The following NAV3 variants were observed in gnomAD, a reference collection of about 807,000 sequenced individuals.
The protein encoded by NAV3 is pore membrane and/or filament interacting like protein 1.
A neutral mutation model predicts 244.7 loss-of-function variants in NAV3; 87 were observed. The observed-to-expected ratio is 0.36, with a 90% CI of 0.30 to 0.42. The LOEUF is 0.42. Among genes scored for constraint, NAV3 ranks in the 20% least tolerant of loss-of-function variants. The probability of loss-of-function intolerance (pLI) is 1.00; values close to 1 mark genes in which losing one functional copy is unlikely to be tolerated. For synonymous variants in NAV3, 1,126 were observed against 1,042.2 expected (o/e 1.08, Z -1.55); for missense variants, 2,663 against 2,893.3 (o/e 0.92, Z 1.83).
intron 38 of NAV3, among the ~76,000 whole-genome samples, chr12:78,202,594 T>G: frequency 6.6e-6 from 1 of 152,112 alleles, no homozygotes; most frequent in Middle Eastern, 3.2e-3. Context: ...AAACTAAAAC[T>G]GAGAGATATT....
intron 1 of NAV3, among the ~76,000 whole-genome samples, chr12:77,876,833 T>G (rs1035563826): frequency 1.3e-5 from 2 of 152,084 alleles, no homozygotes; most frequent in African/African-American, 4.8e-5. Context: ...TTACTTTAAA[T>G]TTTTTTCTGC....
intron 9 of NAV3, among the ~76,000 whole-genome samples, chr12:78,038,055 A>G (rs550999939): frequency 1.4e-4 from 21 of 152,214 alleles, no homozygotes; most frequent in Non-Finnish European, 2.4e-4. Flanking sequence ...TTTAGAAACT[A>G]GGCCTTTTTG....
intron 28 of NAV3, among the ~76,000 whole-genome samples, chr12:78,179,016 C>T (rs1056010247): frequency 5.9e-5 from 9 of 152,014 alleles, no homozygotes; most frequent in African/African-American, 2.2e-4. Context: ...AAAGTAATAT[C>T]TCTAATTTAT....
Position 77,673,203 on chromosome 12 carries a change from T to C in NAV3, c.72+100937T>C, listed in dbSNP as rs560865819. On this transcript the variant is annotated intron_variant, in intron 2 of 8. Coordinates refer to the NAV3 transcript ENST00000550042. ...CATCTTTTTTTGCTGAGTGTTTCTC[T>C]CAAAACTCCATTAACAATGAATTTG... Among the ~76,000 whole-genome samples, 18 of 152,292 alleles carry C rather than the reference T, an allele frequency of 1.2e-4. No homozygotes were observed. In the East Asian group the frequency reaches 3.3e-3, roughly 28 times the overall value.
At chr12:77,640,105 T>A (rs1055339787) in intron 2 of NAV3, among the ~76,000 whole-genome samples, 1 of 152,198 alleles carries the variant, frequency 6.6e-6, no homozygotes, top group Non-Finnish European at 1.5e-5. Flanking sequence ...TCCTCTGTTA[T>A]ACACATGTAG....
chr12:77,947,311 T>A (rs1890443491), intron 3 of NAV3: 1 of 151,876 alleles, frequency 6.6e-6, no homozygotes, highest in African/African-American at 2.4e-5. Context: ...GTGAAACTAT[T>A]CTTAATAGTA....
chr12:77,738,603 C>A (rs564547795), intron 2 of NAV3, among the ~76,000 whole-genome samples: 1 of 152,316 alleles, frequency 6.6e-6, no homozygotes, highest in Non-Finnish European at 1.5e-5. Context: ...ATGATGATTA[C>A]ACAGGCATAT....
intron 1 of NAV3, among the ~76,000 whole-genome samples, chr12:77,903,963 T>C (rs1885638372): frequency 6.6e-6 from 1 of 152,082 alleles, no homozygotes; most frequent in Non-Finnish European, 1.5e-5. Context: ...TCACACCACC[T>C]AGAATGGCGA....
chr12:78,007,007 A>T lies in NAV3; in HGVS notation c.1469A>T (p.Gln490Leu), dbSNP rs2136581549. ...AAACCAGTCAAAGAAGAGAAGGATC[A>T]GGTGACAGAGATGGCTCCAAAAAAG... ...TEKPVKEEKDQVTEMAPKKTS... is the reference protein window; with the variant it reads ...TEKPVKEEKDLVTEMAPKKTS... The change falls in exon 8 of 40, where the codon CAG becomes CTG. Residue 490 changes from glutamine to leucine, a missense_variant. By Grantham distance (113) the Gln-to-Leu change is moderately radical. Around this residue, in one of 6 missense-constraint regions of NAV3, gnomAD observed 1,521 missense variants for 1,497.0 expected, o/e 1.02. Coordinates refer to ENST00000397909, the MANE Select transcript of NAV3 (RefSeq NM_001024383.2). 1.2e-6 allele frequency: 2 copies of T among 1,614,172 alleles called. No individual in the cohort carries two copies. The highest frequency in any genetic ancestry group is 1.7e-6 in the Non-Finnish European group (2 of 1,180,024).
intron 1 of NAV3, among the ~76,000 whole-genome samples, chr12:77,851,879 C>T (rs941153566): frequency 2.0e-5 from 3 of 152,104 alleles, no homozygotes; most frequent in Non-Finnish European, 2.9e-5. Context: ...TGCCAGATGC[C>T]GTTAGAGGTG....
chr12:78,078,375 CTTTTTTTTTTTTT>C lies in NAV3; in HGVS notation c.2636+19286_2636+19298del, dbSNP rs71088356. ...AGAGTTGCATTTCACTCTTTCCACTCTTTTTTTTTTTTTTTTTTTTTTTTTTTTTTTTTTTTTT... is the reference window on the plus strand; with the variant it reads ...AGAGTTGCATTTCACTCTTTCCACTCTTTTTTTTTTTTTTTTTTTTTTTTT... On this transcript the variant is annotated intron_variant, in intron 12 of 39. Transcript: ENST00000397909. 4.3e-3 allele frequency among the ~76,000 whole-genome samples: 294 copies of C among 67,792 alleles called. 1 individual carries two copies. Among genetic ancestry groups the C allele is most frequent in the Non-Finnish European group, 5.5e-3 (205 of 37,026 alleles). 44.5% of individuals were successfully genotyped at this position (67,792 alleles called of 152,430 possible). A position where few individuals can be genotyped will look rare whatever the true frequency, so the allele number is the denominator to read the frequency against.
intron 12 of NAV3, among the ~76,000 whole-genome samples, chr12:78,087,206 A>G (rs1296844444): frequency 6.6e-6 from 1 of 152,008 alleles, no homozygotes; most frequent in Non-Finnish European, 1.5e-5. Flanking sequence ...CATTGATCTC[A>G]CTGAAATCAA....
chr12:77,734,104 A>T (rs1278306666), intron 2 of NAV3, among the ~76,000 whole-genome samples: 1 of 151,992 alleles, frequency 6.6e-6, no homozygotes, highest in African/African-American at 2.4e-5. Flanking sequence ...TTTCAATGGG[A>T]TAGCATCCAG....
chr12:77,748,910 G>A (rs1460712353), intron 2 of NAV3, among the ~76,000 whole-genome samples: 1 of 152,178 alleles, frequency 6.6e-6, no homozygotes, highest in Admixed American at 6.5e-5. Context: ...TGACAACTAG[G>A]TGAGGTGATG....
At chr12:78,091,019 T>C (rs1404974256) in intron 12 of NAV3, among the ~76,000 whole-genome samples, 1 of 151,600 alleles carries the variant, frequency 6.6e-6, no homozygotes, top group Non-Finnish European at 1.5e-5. Context: ...CAAACAGATA[T>C]AATTTTTAGC....
intron 23 of NAV3, among the ~76,000 whole-genome samples, chr12:78,163,315 T>A (rs985889093): frequency 1.3e-5 from 2 of 152,112 alleles, no homozygotes; most frequent in Admixed American, 1.3e-4. Context: ...TAACACGGAA[T>A]CTCTTGCCAA....
At chr12:77,840,030 G>A (rs557076677) in intron 1 of NAV3, among the ~76,000 whole-genome samples, 13 of 152,198 alleles carry the variant, frequency 8.5e-5, no homozygotes, top group South Asian at 2.1e-4. Context: ...CCGAGATCGC[G>A]CCACTGTACT....
At chr12:77,654,457 C>A (rs2694382) in intron 2 of NAV3, among the ~76,000 whole-genome samples, 6 of 152,068 alleles carry the variant, frequency 3.9e-5, no homozygotes, top group African/African-American at 1.4e-4. Context: ...TCAGGAAGCT[C>A]CAACTGGGTG....
chr12:78,152,567 A>G (rs1000097139), intron 22 of NAV3, among the ~76,000 whole-genome samples: 1 of 151,924 alleles, frequency 6.6e-6, no homozygotes, highest in Non-Finnish European at 1.5e-5. Context: ...ATGCATCATA[A>G]TCAGCCATCA....
Sources: allele counts gnomAD v4.1 joint callset (sites outside exome capture counted in the v4.1 genomes callset), GRCh38; gene constraint gnomAD v4.1.1; regional missense constraint gnomAD v4.1.1; transcripts MANE v1.5; gene names NCBI Gene and HGNC (gene_info 2026-07-23, HGNC 2026-07-21).